The following IL1RAPL1 variants were observed in gnomAD, a reference collection of about 807,000 sequenced individuals.
IL1RAPL1 encodes interleukin 1 receptor accessory protein like 1.
IL1RAPL1 carries 3 observed loss-of-function variants against 48.4 expected under a neutral mutation model. That is an observed-to-expected ratio of 0.06 (90% confidence interval 0.03 to 0.16). The LOEUF (loss-of-function observed/expected upper bound fraction) is 0.16, where lower values mean the gene tolerates loss of function less well. IL1RAPL1 is among the 10% of genes least tolerant of loss of function. The pLI, the probability that IL1RAPL1 is intolerant of heterozygous loss-of-function variation, is 1.00. For missense variants in IL1RAPL1, 349 were observed against 530.6 expected, an observed-to-expected ratio of 0.66 and a Z score of 3.36; for synonymous variants, 185 against 187.7, an observed-to-expected ratio of 0.99 and a Z score of 0.12.
chrX:29,943,207 T>C (rs1011606310), intron 9 of IL1RAPL1, among the ~76,000 whole-genome samples: 14 of 112,111 alleles, frequency 1.2e-4, no homozygotes, highest in African/African-American at 4.2e-4. Flanking sequence ...GCCTATTTGT[T>C]TCTAACTTTC....
intron 6 of IL1RAPL1, among the ~76,000 whole-genome samples, chrX:29,712,199 T>C (rs1927371057): frequency 9.1e-6 from 1 of 110,292 alleles, no homozygotes; most frequent in Non-Finnish European, 1.9e-5. Context: ...CAAAACTTGC[T>C]ATACCAACTA....
chrX:29,891,143 CTG>C (rs1932269189), intron 6 of IL1RAPL1, among the ~76,000 whole-genome samples: 2 of 112,179 alleles, frequency 1.8e-5, no homozygotes, highest in Admixed American at 1.9e-4. Flanking sequence ...ACTCTGCACT[CTG>C]TCATCTGTAA....
rs962441940 is a variant in IL1RAPL1, at chrX:28,587,483, G to A, written c.-589G>A. The A allele has an allele frequency of 1.0e-4, 11 of 109,484 alleles. No individual in the cohort carries two copies. The highest frequency in any genetic ancestry group is 3.7e-4 in the African/African-American group (11 of 30,055). The allele number at this position is 109,484 out of a possible 1,213,427, so 9.0% of individuals were successfully genotyped here. A position where few individuals can be genotyped will look rare whatever the true frequency, so the allele number is the denominator to read the frequency against. The stretch of plus-strand genomic sequence containing the variant: ...AAACCCCGTCGGATCTGTTATTGCG[G>A]GATACTTGTGAAATATACATAGGAT... On this transcript the variant is annotated 5_prime_UTR_variant, in exon 1 of 11. Transcript: ENST00000378993.
At chrX:29,923,221 C>T (rs887480300) in intron 8 of IL1RAPL1, among the ~76,000 whole-genome samples, 5 of 111,863 alleles carry the variant, frequency 4.5e-5, no homozygotes, top group African/African-American at 1.6e-4. Context: ...CTTTTATCTG[C>T]GTAAAAGAAT....
chrX:28,981,338 T>A (rs936919555), intron 2 of IL1RAPL1, among the ~76,000 whole-genome samples: 14 of 108,718 alleles, frequency 1.3e-4, no homozygotes, highest in African/African-American at 4.7e-4. Context: ...CTGAAAACGA[T>A]CCTAAAATGA....
intron 1 of IL1RAPL1, among the ~76,000 whole-genome samples, chrX:28,612,184 C>T (rs1041148656): frequency 9.0e-6 from 1 of 111,631 alleles, no homozygotes; most frequent in Non-Finnish European, 1.9e-5. Flanking sequence ...CTGTTCTCAC[C>T]CTGGCTCTGT....
At chrX:29,771,655 G>C (rs967779893) in intron 6 of IL1RAPL1, among the ~76,000 whole-genome samples, 1 of 111,536 alleles carries the variant, frequency 9.0e-6, no homozygotes, top group African/African-American at 3.3e-5. Context: ...ATCTTTAAGA[G>C]AAAAATGCAG....
At chrX:29,690,677 A>T (rs1926748917) in intron 6 of IL1RAPL1, among the ~76,000 whole-genome samples, 1 of 112,344 alleles carries the variant, frequency 8.9e-6, no homozygotes, top group Non-Finnish European at 1.9e-5. Flanking sequence ...TCCTATTATC[A>T]TCTCACTGCT....
At chrX:29,021,137 C>T (rs762647125) in intron 2 of IL1RAPL1, among the ~76,000 whole-genome samples, 14 of 103,980 alleles carry the variant, frequency 1.3e-4, no homozygotes, top group Non-Finnish European at 2.0e-4. Context: ...CACTTGAACC[C>T]GGGAGGTGGA....
chrX:29,233,320 C>T (rs1931234025), intron 2 of IL1RAPL1, among the ~76,000 whole-genome samples: 1 of 111,247 alleles, frequency 9.0e-6, no homozygotes, highest in South Asian at 3.8e-4. Context: ...ACATCACTTC[C>T]TGATATTCTT....
chrX:28,815,312 A>G (rs750404878), intron 2 of IL1RAPL1, among the ~76,000 whole-genome samples: 1 of 109,354 alleles, frequency 9.1e-6, no homozygotes, highest in East Asian at 2.9e-4. Context: ...AATGAATTCT[A>G]GATTGATGTT....
chrX:28,862,828 C>T (rs928968136), intron 2 of IL1RAPL1, among the ~76,000 whole-genome samples: 3 of 111,624 alleles, frequency 2.7e-5, no homozygotes, highest in African/African-American at 9.8e-5. Flanking sequence ...CTCTCTGATA[C>T]TACTAAAAGC....
chrX:29,230,522 A>AAAC (rs1569265292), intron 2 of IL1RAPL1, among the ~76,000 whole-genome samples: 1 of 90,824 alleles, frequency 1.1e-5, no homozygotes, highest in Admixed American at 1.3e-4. Flanking sequence ...AAAAAAAAAA[A>AAAC]AAAAAAAAAA....
intron 6 of IL1RAPL1, among the ~76,000 whole-genome samples, chrX:29,681,601 C>T (rs1926452351): frequency 8.9e-6 from 1 of 112,182 alleles, no homozygotes; most frequent in Non-Finnish European, 1.9e-5. Context: ...TTACTCTTCT[C>T]TGCACATTTC....
chrX:28,594,812 T>A (rs901569144), intron 1 of IL1RAPL1, among the ~76,000 whole-genome samples: 2 of 112,082 alleles, frequency 1.8e-5, no homozygotes, highest in Admixed American at 1.9e-4. Flanking sequence ...GCACACCTGA[T>A]TTTTGACCTC....
rs766439780 is a variant in IL1RAPL1, at chrX:28,712,415, C to T, written c.-24-76905C>T. On this transcript the variant is annotated intron_variant, in intron 1 of 10. Transcript: ENST00000378993. ...CCCCGAATGACTAAGAAGAGCATAG[C>T]ACCCTGACAACCTGTGATGGACATA... Among the ~76,000 whole-genome samples, 5 of 110,825 alleles carry T rather than the reference C, an allele frequency of 4.5e-5. No homozygotes were observed. The South Asian group carries it at 1.9e-3, about 43-fold the overall frequency.
intron 1 of IL1RAPL1, among the ~76,000 whole-genome samples, chrX:28,651,771 T>C (rs1349981275): frequency 8.9e-6 from 1 of 112,007 alleles, no homozygotes; most frequent in African/African-American, 3.2e-5. Flanking sequence ...CATTTCTTTT[T>C]TTATAGTATT....
intron 5 of IL1RAPL1, among the ~76,000 whole-genome samples, chrX:29,564,333 C>T (rs1286138795): frequency 8.9e-6 from 1 of 112,426 alleles, no homozygotes; most frequent in East Asian, 2.8e-4. Flanking sequence ...GGAATATGCA[C>T]TGCTGTCAAA....
intron 2 of IL1RAPL1, among the ~76,000 whole-genome samples, chrX:29,280,604 C>A (rs1190494831): frequency 1.8e-5 from 2 of 111,921 alleles, no homozygotes; most frequent in Admixed American, 1.9e-4. Flanking sequence ...TGCATTCATT[C>A]ATTTATTCAT....
Sources: allele counts gnomAD v4.1 joint callset (sites outside exome capture counted in the v4.1 genomes callset), GRCh38; gene constraint gnomAD v4.1.1; transcripts MANE v1.5; gene names NCBI Gene and HGNC (gene_info 2026-07-23, HGNC 2026-07-21).